The following EVC2 variants were observed in gnomAD, a reference collection of about 807,000 sequenced individuals.
The protein encoded by EVC2 is limbin.
A neutral mutation model predicts 149.3 loss-of-function variants in EVC2; 148 were observed. That is an observed-to-expected ratio of 0.99 (90% CI 0.87 to 1.14). The LOEUF is 1.14. Among genes scored for constraint, EVC2 ranks in the 50% most tolerant of loss-of-function variants. The pLI is 0.00. For synonymous variants in EVC2, 776 were observed against 649.9 expected, an observed-to-expected ratio of 1.19 and a Z score of -2.95; for missense variants, 1,854 against 1,627.3, an observed-to-expected ratio of 1.14 and a Z score of -2.40.
intron 6 of EVC2, among the ~76,000 whole-genome samples, chr4:5,683,245 C>T (rs979607395): frequency 1.3e-5 from 2 of 152,196 alleles, no homozygotes; most frequent in Non-Finnish European, 2.9e-5. Flanking sequence ...GGAATACGTA[C>T]GGTGCCTTGG....
intron 21 of EVC2, among the ~76,000 whole-genome samples, chr4:5,543,977 C>G (rs550235027): frequency 1.1e-4 from 16 of 152,262 alleles, no homozygotes; most frequent in African/African-American, 3.6e-4. Context: ...TGGGCACCCT[C>G]GTGACCAGTG....
chr4:5,644,435 G>A (rs1481802289), intron 9 of EVC2, among the ~76,000 whole-genome samples: 1 of 152,000 alleles, frequency 6.6e-6, no homozygotes, highest in Non-Finnish European at 1.5e-5. Context: ...CTCCCGAGTA[G>A]CTGGGACTAC....
chr4:5,597,454 C>G (rs1350934686), intron 16 of EVC2, among the ~76,000 whole-genome samples: 16 of 151,486 alleles, frequency 1.1e-4, no homozygotes, highest in Non-Finnish European at 1.3e-4. Context: ...TAAACAGAAC[C>G]AAAGACAAAA....
intron 16 of EVC2, among the ~76,000 whole-genome samples, chr4:5,596,551 C>A (rs1713437453): frequency 6.6e-6 from 1 of 152,112 alleles, no homozygotes; most frequent in Non-Finnish European, 1.5e-5. Flanking sequence ...ACCAGAATCT[C>A]TGGGATGCAT....
chr4:5,630,656 G>A (rs991880704), intron 11 of EVC2, among the ~76,000 whole-genome samples: 2 of 152,086 alleles, frequency 1.3e-5, no homozygotes, highest in African/African-American at 2.4e-5. Context: ...ACTCATGACC[G>A]TGAACACATT....
At position 5,640,520 on chromosome 4, in the gene EVC2, A is replaced by G; in HGVS notation, c.1464T>C (p.Gly488=). 6.2e-7 allele frequency: 1 copy of G among 1,614,126 alleles called. No individual in the cohort carries two copies. Among genetic ancestry groups the G allele is most frequent in the Non-Finnish European group, 8.5e-7 (1 of 1,180,024 alleles). The change falls in exon 10 of 22, where the codon GGT becomes GGC. Residue 488 remains glycine, a synonymous_variant. Coordinates refer to ENST00000344408, the MANE Select transcript of EVC2 (RefSeq NM_147127.5). This position sits in a 1 kb window ranked among gnomAD's most constrained non-coding sequence, Gnocchi z 4.6. ...CCTTTCAGACCTGTCTTACCCTCTC[A>G]CCAGCACGTTTCAGCAACTCTTCTG... ...EEAEELLKRA[G]ERSAVECSNL... is the part of the protein sequence containing the mutation.
At chr4:5,617,777 C>G (rs1715366312) in intron 15 of EVC2, among the ~76,000 whole-genome samples, 2 of 152,078 alleles carry the variant, frequency 1.3e-5, no homozygotes, top group Non-Finnish European at 2.9e-5. Context: ...GTTGGGAGCC[C>G]CAGAAGCGGA....
intron 6 of EVC2, among the ~76,000 whole-genome samples, chr4:5,685,136 C>A (rs1219461588): frequency 1.3e-5 from 2 of 152,198 alleles, no homozygotes; most frequent in African/African-American, 4.8e-5. Context: ...CTTATGATAA[C>A]CTCATGTGAG....
At position 5,613,403 on chromosome 4, in the gene EVC2, T is replaced by C. The variant is rs1715005858; in HGVS notation, c.2829+2019A>G. ...CTTCACTCTGGCGGGTTTCACCTCTTACAGAGGATCACAAAGCAGCCGGTA... is the reference window on the plus strand; with the variant it reads ...CTTCACTCTGGCGGGTTTCACCTCTCACAGAGGATCACAAAGCAGCCGGTA... On this transcript the variant is annotated intron_variant, in intron 16 of 21. Coordinates refer to ENST00000344408, the MANE Select transcript of EVC2 (RefSeq NM_147127.5). The surrounding 1 kb of genome is among the most constrained non-coding windows in gnomAD (Gnocchi z 4.6). 6.6e-6 allele frequency among the ~76,000 whole-genome samples: 1 copy of C among 152,164 alleles called. No homozygotes were observed. Among genetic ancestry groups the C allele is most frequent in the African/African-American group, 2.4e-5 (1 of 41,426 alleles).
At chr4:5,548,550 T>C (rs1269871202) in intron 21 of EVC2, among the ~76,000 whole-genome samples, 1 of 152,012 alleles carries the variant, frequency 6.6e-6, no homozygotes, top group East Asian at 1.9e-4. Context: ...GAACTCAATG[T>C]TTATCTGATG....
chr4:5,576,127 T>C lies in EVC2; in HGVS notation c.3272+113A>G, dbSNP rs190943480. 2.0e-4 allele frequency: 319 copies of C among 1,568,506 alleles called. 2 individuals carry two copies. Among genetic ancestry groups the C allele is most frequent in the Non-Finnish European group, 2.7e-4 (309 of 1,148,238 alleles). ...GTGTTGGAGCAATGGGATGACACCT[T>C]AGGCAAGAGGGTGAGAGCCCAGGTG... On this transcript the variant is annotated intron_variant, in intron 18 of 21. Coordinates refer to ENST00000344408, the MANE Select transcript of EVC2 (RefSeq NM_147127.5). The surrounding 1 kb of genome is among the most constrained non-coding windows in gnomAD (Gnocchi z 4.5).
At chr4:5,553,898 G>A (rs1721785343) in intron 21 of EVC2, among the ~76,000 whole-genome samples, 1 of 152,134 alleles carries the variant, frequency 6.6e-6, no homozygotes, top group Non-Finnish European at 1.5e-5. Context: ...ATGCAAAGAA[G>A]CAGGAAAAGA....
intron 9 of EVC2, among the ~76,000 whole-genome samples, chr4:5,650,632 TATATATAGAGAGAGAGAGAG>T (rs1476562035): frequency 1.6e-5 from 1 of 61,566 alleles, no homozygotes; most frequent in African/African-American, 5.7e-5. Flanking sequence ...TATATATATA[TATATATAGAGAGAGAGAGAG>T]AGAGAGAGAG....
intron 16 of EVC2, among the ~76,000 whole-genome samples, chr4:5,592,987 A>C (rs1280216336): frequency 6.6e-6 from 1 of 152,170 alleles, no homozygotes; most frequent in East Asian, 1.9e-4. Flanking sequence ...CCTGAGAGTG[A>C]GTTCTCATGA....
intron 20 of EVC2, among the ~76,000 whole-genome samples, chr4:5,565,711 A>G (rs1722241586): frequency 6.6e-6 from 1 of 151,630 alleles, no homozygotes; most frequent in Non-Finnish European, 1.5e-5. Context: ...TTAAGTGATG[A>G]GTAATCCTAC....
At chr4:5,687,172 A>G (rs956387512) in intron 5 of EVC2, among the ~76,000 whole-genome samples, 1 of 152,132 alleles carries the variant, frequency 6.6e-6, no homozygotes, top group African/African-American at 2.4e-5. Flanking sequence ...CAGGAGAATC[A>G]CTTAAATTCG....
chr4:5,701,398 C>T (rs919558947), intron 1 of EVC2, among the ~76,000 whole-genome samples: 2 of 152,190 alleles, frequency 1.3e-5, no homozygotes, highest in African/African-American at 4.8e-5. Context: ...ACGTGGGCAT[C>T]TTGGGGAGCC....
At position 5,708,521 on chromosome 4, in the gene EVC2, C is replaced by T; in HGVS notation, c.-8G>A. ...GGAGCCCGAGGGGTCCATCGCCTGT[C>T]GGGACCCGCTACCTCAAAGCGGCGG... On this transcript the variant is annotated 5_prime_UTR_variant, in exon 1 of 22. Coordinates refer to ENST00000344408, the MANE Select transcript of EVC2 (RefSeq NM_147127.5). 1.4e-6 allele frequency: 2 copies of T among 1,450,756 alleles called. No homozygotes were observed. The highest frequency in any genetic ancestry group is 1.8e-6 in the Non-Finnish European group (2 of 1,108,684). 89.9% of individuals were successfully genotyped at this position (1,450,756 alleles called of 1,614,324 possible).
At chr4:5,564,162 A>G (rs1722124730) in intron 21 of EVC2, among the ~76,000 whole-genome samples, 1 of 152,160 alleles carries the variant, frequency 6.6e-6, no homozygotes, top group African/African-American at 2.4e-5. Context: ...ACCACTAATT[A>G]CTGCCCTTGG....
Sources: gnomAD v4.1 joint callset for allele counts (sites outside exome capture counted in the v4.1 genomes callset) on GRCh38, gnomAD v4.1.1 for gene constraint, Gnocchi (gnomAD v3.1) non-coding constraint, MANE v1.5 for transcripts, NCBI Gene and HGNC (gene_info 2026-07-23, HGNC 2026-07-21) for gene names.